ARNT: variants seen among roughly 807,000 people sequenced by gnomAD.
ARNT encodes the protein aryl hydrocarbon receptor nuclear translocator.
A neutral mutation model predicts 105.0 loss-of-function variants in ARNT; 30 were observed. The observed-to-expected ratio is 0.29, with a 90% CI of 0.21 to 0.39. The LOEUF is 0.39. Ranked by LOEUF, ARNT falls within the 10% of genes least tolerant of loss-of-function variation. The pLI, the probability that ARNT is intolerant of heterozygous loss-of-function variation, is 1.00. For synonymous variants in ARNT, 304 were observed against 344.0 expected (o/e 0.88, Z 1.29); for missense variants, 748 against 978.7 (o/e 0.76, Z 3.15).
intron 1 of ARNT, among the ~76,000 whole-genome samples, chr1:150,860,648 C>T (rs977050751): frequency 6.6e-6 from 1 of 151,742 alleles, no homozygotes; most frequent in Admixed American, 6.6e-5. Flanking sequence ...CTGAGGTCAG[C>T]AGTTCGAGAC....
At chr1:150,824,093 G>A (rs918303534) in intron 13 of ARNT, among the ~76,000 whole-genome samples, 5 of 151,742 alleles carry the variant, frequency 3.3e-5, no homozygotes, top group African/African-American at 4.8e-5. Flanking sequence ...CGCCTGCCTC[G>A]GCCTCCCAAA....
At chr1:150,864,676 T>G (rs1008844512) in intron 1 of ARNT, among the ~76,000 whole-genome samples, 1 of 146,908 alleles carries the variant, frequency 6.8e-6, no homozygotes, top group African/African-American at 2.5e-5. Context: ...GACCAGTTAG[T>G]GGGTGCAGCG....
chr1:150,819,092 C>G (rs1001796423), intron 14 of ARNT, among the ~76,000 whole-genome samples: 1 of 152,022 alleles, frequency 6.6e-6, no homozygotes, highest in African/African-American at 2.4e-5. Context: ...AAACTTGTCA[C>G]TAGGTATTAT....
At position 150,839,357 on chromosome 1, in the gene ARNT, A is replaced by T. The variant is rs1316054241; in HGVS notation, c.486+84T>A. On this transcript the variant is annotated intron_variant, in intron 6 of 21. Transcript: ENST00000358595. Reference sequence around the variant, plus strand: ...CCCATTGTCTGACTTCTTCCTGAAAAGCTGAATTCTTGTCCAAAAAACGAA... The same window carrying T: ...CCCATTGTCTGACTTCTTCCTGAAATGCTGAATTCTTGTCCAAAAAACGAA... The T allele has an allele frequency of 2.3e-5, 32 of 1,398,910 alleles. 1 individual carries two copies. The highest frequency in any genetic ancestry group is 3.1e-5 in the Non-Finnish European group (31 of 1,003,200). The allele number at this position is 1,398,910 out of a possible 1,614,324, so 86.7% of individuals were successfully genotyped here.
chr1:150,836,035 G>C (rs1244708655), intron 7 of ARNT, among the ~76,000 whole-genome samples: 1 of 151,912 alleles, frequency 6.6e-6, no homozygotes, highest in Non-Finnish European at 1.5e-5. Context: ...GGCTTTTACT[G>C]TTCTATTTAT....
At chr1:150,843,347 C>T (rs1051521685) in intron 4 of ARNT, among the ~76,000 whole-genome samples, 1 of 152,018 alleles carries the variant, frequency 6.6e-6, no homozygotes, top group Non-Finnish European at 1.5e-5. Flanking sequence ...GTGTCAATTC[C>T]ATTTTAAATA....
At chr1:150,833,272 C>T (rs587771863) in intron 8 of ARNT, among the ~76,000 whole-genome samples, 10 of 152,210 alleles carry the variant, frequency 6.6e-5, no homozygotes, top group East Asian at 1.9e-4. Context: ...GGGAGGCTGA[C>T]GCAGGCGAAT....
chr1:150,822,425 G>A (rs10305729), intron 14 of ARNT, among the ~76,000 whole-genome samples: 1,532 of 152,176 alleles, frequency 0.01, 19 homozygotes, highest in African/African-American at 0.035. Context: ...CTAAGGTTAA[G>A]TTGATTACCA....
intron 1 of ARNT, 122 bp downstream of exon 1, chr1:150,876,421 C>T (rs1437899522): frequency 6.8e-7 from 1 of 1,477,792 alleles, no homozygotes; most frequent in East Asian, 2.7e-5. Context: ...CCGTCTCTCG[C>T]GGCCCCCGCC....
intron 1 of ARNT, among the ~76,000 whole-genome samples, chr1:150,871,527 C>T (rs1479688229): frequency 1.3e-5 from 2 of 149,116 alleles, no homozygotes; most frequent in East Asian, 4.1e-4. Context: ...TCTTGAACTC[C>T]TGACCTCAGG....
intron 1 of ARNT, among the ~76,000 whole-genome samples, chr1:150,874,016 T>A (rs1667872441): frequency 1.5e-5 from 1 of 65,256 alleles, no homozygotes; most frequent in African/African-American, 4.6e-5. Context: ...TAACAAGAAT[T>A]GTAAAAAAAA....
At chr1:150,817,831 ATT>A in intron 15 of ARNT, 87 bp downstream of exon 15, 1 of 1,114,784 alleles carries the variant, frequency 9.0e-7, no homozygotes, top group Non-Finnish European at 1.3e-6. Flanking sequence ...AAAAAAAAAA[ATT>A]AACCAACCGA....
chr1:150,852,734 A>G (rs1663855818), intron 3 of ARNT, 28 bp downstream of exon 3: 3 of 1,590,634 alleles, frequency 1.9e-6, no homozygotes, highest in Non-Finnish European at 2.6e-6. Context: ...AATATCAGAC[A>G]TCTAAGGAAA....
At chr1:150,867,914 G>A (rs1013494912) in intron 1 of ARNT, among the ~76,000 whole-genome samples, 1 of 152,150 alleles carries the variant, frequency 6.6e-6, no homozygotes, top group African/African-American at 2.4e-5. Context: ...CAAGTTTCCT[G>A]AGGCCTCCCC....
At chr1:150,817,313 C>T (rs1310716832) in intron 16 of ARNT, 48 bp downstream of exon 16, 1 of 1,611,964 alleles carries the variant, frequency 6.2e-7, no homozygotes, top group Non-Finnish European at 8.5e-7. Flanking sequence ...GAGAACACTT[C>T]CTAAGTAAAT....
chr1:150,823,208 G>A lies in ARNT; in HGVS notation c.1380C>T (p.Thr460=). Residue 460 remains threonine (T), a synonymous_variant, in exon 14 of 22, where the codon ACC becomes ACT. Coordinates refer to ENST00000358595, the MANE Select transcript of ARNT (RefSeq NM_001668.4). ...ATAATACATACTTCACATTGGTGTTGGTACAGATGATGTACTCAATTTCAT... is the reference window on the plus strand; with the variant it reads ...ATAATACATACTTCACATTGGTGTTAGTACAGATGATGTACTCAATTTCAT... ...YSDEIEYIIC[T]NTNVKNSSQE... 6.2e-7 allele frequency: 1 copy of A among 1,609,838 alleles called. No homozygotes were observed. Among genetic ancestry groups the A allele is most frequent in the African/African-American group, 1.3e-5 (1 of 74,942 alleles).
rs759060615 is a variant in ARNT, at chr1:150,829,990, C to T, written c.956-10G>A. On this transcript the variant is annotated splice_polypyrimidine_tract_variant and intron_variant, in intron 10 of 21. Transcript: ENST00000358595. ...TCTGGGAGGGAAACACCTTCAGAAA[C>T]GTGACGTTAAAAGGTTTAACGGGGA... 2.5e-5 allele frequency: 40 copies of T among 1,614,006 alleles called. No homozygotes were observed. In the South Asian group the frequency reaches 4.0e-4, roughly 16 times the overall value.
chr1:150,859,906 T>C (rs587731894), intron 1 of ARNT, among the ~76,000 whole-genome samples: 5 of 151,690 alleles, frequency 3.3e-5, no homozygotes, highest in Admixed American at 6.6e-5. Context: ...ACTCAAGAGG[T>C]TGATGTGGGA....
At chr1:150,834,310 T>C (rs1002157130) in intron 8 of ARNT, among the ~76,000 whole-genome samples, 3 of 152,154 alleles carry the variant, frequency 2.0e-5, no homozygotes, top group Non-Finnish European at 4.4e-5. Context: ...TACAAGGCAA[T>C]TGTGAGGATA....
Sources: gnomAD v4.1 joint callset for allele counts (sites outside exome capture counted in the v4.1 genomes callset) on GRCh38, gnomAD v4.1.1 for gene constraint, MANE v1.5 for transcripts, NCBI Gene and HGNC (gene_info 2026-07-23, HGNC 2026-07-21) for gene names.